RXRB: variants seen among roughly 807,000 people sequenced by gnomAD.
RXRB encodes the protein retinoic acid receptor RXR-beta.
RXRB carries 18 observed loss-of-function variants against 52.5 expected under a neutral mutation model. That is an observed-to-expected ratio of 0.34 (90% CI 0.24 to 0.51). The LOEUF is 0.51. Ranked by LOEUF, RXRB falls within the 20% of genes least tolerant of loss-of-function variation. The probability of loss-of-function intolerance (pLI) is 0.97; values close to 1 mark genes in which losing one functional copy is unlikely to be tolerated. For missense variants in RXRB, 455 were observed against 698.2 expected (o/e 0.65, Z 3.92); for synonymous variants, 233 against 267.1 (o/e 0.87, Z 1.25).
At chr6:33,199,849 AC>A in intron 1 of RXRB, 1 of 591,100 alleles carries the variant, frequency 1.7e-6, no homozygotes, top group East Asian at 3.8e-5. Context: ...GTGGGGCAGC[AC>A]GTGGGGTAGA....
chr6:33,200,699 G>C (rs1774450376), upstream of RXRB: 1 of 1,546,664 alleles, frequency 6.5e-7, no homozygotes, highest in Admixed American at 2.0e-5. The surrounding 1 kb of genome is among the most constrained non-coding windows in gnomAD (Gnocchi z 6.3). Flanking sequence ...CCCTCGTCTA[G>C]TTGGAAACCG....
chr6:33,199,744 G>A (rs1026260762), intron 1 of RXRB: 10 of 427,966 alleles, frequency 2.3e-5, no homozygotes, highest in African/African-American at 1.6e-4. Context: ...GGAGGGAGTT[G>A]ACAAGGAGAG....
chr6:33,200,374 G>A lies in RXRB; in HGVS notation c.103C>T (p.Arg35Trp). Residue 35 changes from arginine (R) to tryptophan (W), a missense_variant, in exon 1 of 10, where the codon CGG becomes TGG. By Grantham distance (101) the Arg-to-Trp change is moderately radical. Coordinates refer to ENST00000374680, the MANE Select transcript of RXRB (RefSeq NM_021976.5). This position sits in a 1 kb window ranked among gnomAD's most constrained non-coding sequence, Gnocchi z 6.3. The stretch of plus-strand genomic sequence containing the variant: ...AGCCAGGGCCGTCGCCGCCGCCACC[G>A]GGACGCGACCCCACAATGCATTTCT... The part of the protein sequence containing the change: ...RKEMHCGVAS[R>W]WRRRRPWLDP... 3 of 1,563,402 alleles carry A rather than the reference G, an allele frequency of 1.9e-6. No individual in the cohort carries two copies. Among genetic ancestry groups the A allele is most frequent in the East Asian group, 2.4e-5 (1 of 42,174 alleles).
chr6:33,199,763 T>C, intron 1 of RXRB: 1 of 440,778 alleles, frequency 2.3e-6, no homozygotes, highest in Non-Finnish European at 4.4e-6. Context: ...AGGAGGATAG[T>C]TCAGGTGAGG....
In RXRB at chr6:33,194,595, C is replaced by G. The variant is rs1431648849; in HGVS notation, c.*87G>C. On this transcript the variant is annotated 3_prime_UTR_variant, in exon 10 of 10. Transcript: ENST00000374680. This position sits in a 1 kb window ranked among gnomAD's most constrained non-coding sequence, Gnocchi z 4.1. The stretch of plus-strand genomic sequence containing the variant: ...TCTCACCCCATCAAGGTTCTGGGAA[C>G]ATGGCCCCCCACCCTGCCCCAGGGC... 2.1e-6 allele frequency: 3 copies of G among 1,446,664 alleles called. No homozygotes were observed. The African/African-American group carries it at 4.2e-5, about 20-fold the overall frequency. 89.6% of individuals were successfully genotyped at this position (1,446,664 alleles called of 1,614,324 possible).
At chr6:33,198,205 C>T (rs1205608984) in intron 3 of RXRB, 103 bp downstream of exon 3, 4 of 1,522,346 alleles carry the variant, frequency 2.6e-6, no homozygotes, top group Non-Finnish European at 2.7e-6. Flanking sequence ...CAGGCCTCCC[C>T]CAGGTCACTT....
chr6:33,198,494 G>A, intron 2 of RXRB, 30 bp from the exon 3 acceptor site: 5 of 1,604,940 alleles, frequency 3.1e-6, no homozygotes, highest in Non-Finnish European at 3.4e-6. Flanking sequence ...GAAGTCACAG[G>A]AAGACTTATT....
In RXRB at chr6:33,195,729, C is replaced by T; in HGVS notation, c.1124-27G>A. 6.2e-7 allele frequency: 1 copy of T among 1,608,824 alleles called. No individual in the cohort carries two copies. Among genetic ancestry groups the T allele is most frequent in the Non-Finnish European group, 8.5e-7 (1 of 1,179,390 alleles). On this transcript the variant is annotated intron_variant, in intron 6 of 9. Transcript: ENST00000374680. The surrounding 1 kb of genome is among the most constrained non-coding windows in gnomAD (Gnocchi z 8.6). The stretch of plus-strand genomic sequence containing the variant: ...TGGGTGGGGCAGCAAGGGTCAGGAG[C>T]CAGAAATCAGGCCAAGGGATTCAAA...
At chr6:33,200,669 T>C, upstream of RXRB, 1 of 1,540,004 alleles carries the variant, frequency 6.5e-7, no homozygotes, top group Non-Finnish European at 8.7e-7. This position sits in a 1 kb window ranked among gnomAD's most constrained non-coding sequence, Gnocchi z 6.3. Flanking sequence ...AGACGGGAAG[T>C]CTCGGCGCGA....
In RXRB at chr6:33,195,819, G is replaced by A. The variant is rs1183012527; in HGVS notation, c.1123+88C>T. On this transcript the variant is annotated intron_variant, in intron 6 of 9. Transcript: ENST00000374680. This position sits in a 1 kb window ranked among gnomAD's most constrained non-coding sequence, Gnocchi z 8.6. ...TCAGCAAGTTTGGCTCCCTGGGTAC[G>A]CAAGGTAAGGCCACTGGGGTCACTA... 31 of 1,599,214 alleles carry A rather than the reference G, an allele frequency of 1.9e-5. No individual in the cohort carries two copies. Among genetic ancestry groups the A allele is most frequent in the East Asian group, 1.1e-4 (5 of 44,750 alleles).
intron 2 of RXRB, 83 bp downstream of exon 2, chr6:33,199,086 G>A: frequency 9.9e-7 from 1 of 1,007,930 alleles, no homozygotes; most frequent in Non-Finnish European, 1.3e-6. Context: ...TGGGCCATGG[G>A]GAAGTTCACA....
chr6:33,198,929 A>AC (rs944832767), intron 2 of RXRB, among the ~76,000 whole-genome samples: 3 of 150,838 alleles, frequency 2.0e-5, no homozygotes, highest in African/African-American at 7.3e-5. Flanking sequence ...AAAAAAAAAA[A>AC]AAAAACACAC....
rs1297826087 is a variant in RXRB at position 33,194,530 on chromosome 6, A to T, written c.*152T>A. 1 of 744,396 alleles carries T rather than the reference A, an allele frequency of 1.3e-6. No individual in the cohort carries two copies. The highest frequency in any genetic ancestry group is 2.1e-6 in the Non-Finnish European group (1 of 482,868). 46.1% of individuals were successfully genotyped at this position (744,396 alleles called of 1,614,324 possible). On this transcript the variant is annotated 3_prime_UTR_variant, in exon 10 of 10. Transcript: ENST00000374680. The surrounding 1 kb of genome is among the most constrained non-coding windows in gnomAD (Gnocchi z 4.1). ...CCTTCCAACTTGGGATATCAAGCAG[A>T]TCCCTTGGAGGGTTTATGTTCTTGG...
rs759300752 is a variant in RXRB, at chr6:33,197,795, G to C, written c.787C>G (p.Gln263Glu). Residue 263 changes from glutamine to glutamate, a missense_variant, in exon 4 of 10, where the codon CAG becomes GAG. Around this residue, in one of 4 missense-constraint regions of RXRB, gnomAD observed 100 missense variants for 141.9 expected, o/e 0.70. Transcript: ENST00000374680. This position sits in a 1 kb window ranked among gnomAD's most constrained non-coding sequence, Gnocchi z 4.4. ...QRNRCQYCRY[Q>E]KCLATGMKRE... is the part of the protein sequence containing the mutation. Reference sequence around the variant, plus strand: ...TTCATGCCAGTGGCCAGGCACTTCTGATAGCGGCAGTACTGACAGCGGTTC... The same window carrying C: ...TTCATGCCAGTGGCCAGGCACTTCTCATAGCGGCAGTACTGACAGCGGTTC... 1 of 1,614,032 alleles carries C rather than the reference G, an allele frequency of 6.2e-7. No homozygotes were observed. The highest frequency in any genetic ancestry group is 1.7e-5 in the Admixed American group (1 of 60,032).
In RXRB at chr6:33,197,746, C is replaced by T. The variant is rs1343388457; in HGVS notation, c.820+16G>A. On this transcript the variant is annotated intron_variant, in intron 4 of 9. Coordinates refer to ENST00000374680, the MANE Select transcript of RXRB (RefSeq NM_021976.5). The surrounding 1 kb of genome is among the most constrained non-coding windows in gnomAD (Gnocchi z 4.4). ...GGGCATGTGGTCTAAGACGCCTGGG[C>T]AGGGCGGGTCCTTACCCTCCCTCTT... The T allele has an allele frequency of 1.2e-6, 2 of 1,612,444 alleles. No homozygotes were observed. The highest frequency in any genetic ancestry group is 2.2e-5 in the East Asian group (1 of 44,878).
At position 33,200,143 on chromosome 6, in the gene RXRB, G is replaced by C; in HGVS notation, c.235+99C>G. On this transcript the variant is annotated intron_variant, in intron 1 of 9. Transcript: ENST00000374680. This position sits in a 1 kb window ranked among gnomAD's most constrained non-coding sequence, Gnocchi z 6.3. ...GGGGACGCGTGTTTACAAACAAGGG[G>C]GCGGGAGCGCAAGGAAAAGAGCACC... The C allele has an allele frequency of 6.7e-7, 1 of 1,489,616 alleles. No homozygotes were observed. The highest frequency in any genetic ancestry group is 9.2e-7 in the Non-Finnish European group (1 of 1,083,026). The allele number at this position is 1,489,616 out of a possible 1,614,324, so 92.3% of individuals were successfully genotyped here. A position where few individuals can be genotyped will look rare whatever the true frequency, so the allele number is the denominator to read the frequency against.
rs1179303858 is a variant in RXRB at position 33,197,590 on chromosome 6, CT to C, written c.820+171del. Reference sequence around the variant, plus strand: ...AGAGGCCTAACCATTAAGAAGGAAACTCAAGGGCCAGAACAGGGTAACAGGG... The same window carrying C: ...AGAGGCCTAACCATTAAGAAGGAAACCAAGGGCCAGAACAGGGTAACAGGG... On this transcript the variant is annotated intron_variant, in intron 4 of 9. Coordinates refer to ENST00000374680, the MANE Select transcript of RXRB (RefSeq NM_021976.5). The surrounding 1 kb of genome is among the most constrained non-coding windows in gnomAD (Gnocchi z 4.4). Among the ~76,000 whole-genome samples the C allele has an allele frequency of 6.6e-6, 1 of 152,218 alleles. No individual in the cohort carries two copies. The highest frequency in any genetic ancestry group is 1.5e-5 in the Non-Finnish European group (1 of 68,036).
chr6:33,195,482 A>AT lies in RXRB; in HGVS notation c.1257-29_1257-28insA. 6.2e-7 allele frequency: 1 copy of AT among 1,612,000 alleles called. No individual in the cohort carries two copies. Among genetic ancestry groups the AT allele is most frequent in the Non-Finnish European group, 8.5e-7 (1 of 1,179,040 alleles). On this transcript the variant is annotated intron_variant, in intron 7 of 9. Transcript: ENST00000374680. This position sits in a 1 kb window ranked among gnomAD's most constrained non-coding sequence, Gnocchi z 8.6. ...GGAGAGGGACCTGCAGGTCACTCAA[A>AT]GGTCACAGCTCAGCCAGCCTTGGAC...
intron 1 of RXRB, chr6:33,199,635 T>C (rs574091701): frequency 1.4e-5 from 7 of 501,090 alleles, no homozygotes; most frequent in South Asian, 9.4e-5. Context: ...TCAGAACTTA[T>C]TAACATTTGT....
Sources: allele counts gnomAD v4.1 joint callset (sites outside exome capture counted in the v4.1 genomes callset), GRCh38; gene constraint gnomAD v4.1.1; regional missense constraint gnomAD v4.1.1; non-coding constraint Gnocchi (gnomAD v3.1); transcripts MANE v1.5; gene names NCBI Gene and HGNC (gene_info 2026-07-23, HGNC 2026-07-21).